Variants in CFAP20DC observed in about 807,000 individuals in gnomAD.
CFAP20DC encodes CFAP20 domain containing, also known as protein CFAP20DC.
CFAP20DC carries 84 observed loss-of-function variants against 101.7 expected under a neutral mutation model. The ratio of observed to expected loss-of-function variants is 0.83; its 90% CI spans 0.69 to 0.99. The LOEUF (loss-of-function observed/expected upper bound fraction) is 0.99. Ranked by LOEUF, CFAP20DC falls within the 50% of genes least tolerant of loss-of-function variation. CFAP20DC has a pLI of 0.00. For synonymous variants in CFAP20DC, 359 were observed against 351.2 expected, an observed-to-expected ratio of 1.02 and a Z score of -0.25; for missense variants, 1,007 against 970.3, an observed-to-expected ratio of 1.04 and a Z score of -0.50.
intron 15 of CFAP20DC, among the ~76,000 whole-genome samples, chr3:58,803,099 T>G (rs544844386): frequency 1.3e-5 from 2 of 152,346 alleles, no homozygotes; most frequent in South Asian, 4.1e-4. Flanking sequence ...TTTATGTAAT[T>G]TAAAAACCTT....
intron 13 of CFAP20DC, among the ~76,000 whole-genome samples, chr3:58,840,622 AC>A (rs2077035777): frequency 6.6e-6 from 1 of 152,138 alleles, no homozygotes; most frequent in South Asian, 2.1e-4. Context: ...CAGAGCCACC[AC>A]CCCTGTAGAA....
intron 6 of CFAP20DC, among the ~76,000 whole-genome samples, chr3:58,910,909 G>T (rs1401850403): frequency 6.6e-6 from 1 of 151,862 alleles, no homozygotes. Flanking sequence ...CAAGAGACAA[G>T]ACCAAGGGAA....
At position 58,849,221 on chromosome 3, in the gene CFAP20DC, G is replaced by A; in HGVS notation, c.1782C>T (p.Asn594=). The change falls in exon 13 of 17, where the codon AAC becomes AAT. Residue 594 remains asparagine (N), a synonymous_variant. Coordinates refer to ENST00000482387, the MANE Select transcript of CFAP20DC (RefSeq NM_001394063.1). ...TTGTAGGCAACAAACTCATTTCAAA[G>A]TTATTTCTATCTATTTGCTCCATCG... ...DSSMEQIDRN[N]FEMSLLPTTC... 6.5e-7 allele frequency: 1 copy of A among 1,536,066 alleles called. No homozygotes were observed. The highest frequency in any genetic ancestry group is 8.7e-7 in the Non-Finnish European group (1 of 1,146,894).
In CFAP20DC at chr3:58,830,585, A is replaced by G. The variant is rs1300847532; in HGVS notation, c.2175+1101T>C. 3.9e-5 allele frequency among the ~76,000 whole-genome samples: 6 copies of G among 152,354 alleles called. No homozygotes were observed. In the East Asian group the frequency reaches 1.2e-3, roughly 29 times the overall value. On this transcript the variant is annotated intron_variant, in intron 14 of 16. Transcript: ENST00000482387. ...ATATGAAAAGCAAGTCACAAAATTC[A>G]TATGTATTTAATTAAATACTTAAAA...
At chr3:58,910,097 T>G (rs1204539794) in intron 6 of CFAP20DC, among the ~76,000 whole-genome samples, 1 of 152,222 alleles carries the variant, frequency 6.6e-6, no homozygotes, top group Non-Finnish European at 1.5e-5. Flanking sequence ...TATTATTCCC[T>G]GGTGTATCTG....
At chr3:59,046,351 T>A (rs1417252601) in intron 2 of CFAP20DC, 29 bp from the exon 3 acceptor site, 1 of 1,334,448 alleles carries the variant, frequency 7.5e-7, no homozygotes, top group Non-Finnish European at 1.0e-6. Context: ...ACAGTAGTTA[T>A]CACAGGATAT....
At chr3:58,774,356 C>G (rs1049466724) in intron 15 of CFAP20DC, among the ~76,000 whole-genome samples, 1 of 152,170 alleles carries the variant, frequency 6.6e-6, no homozygotes, top group Non-Finnish European at 1.5e-5. Flanking sequence ...AAAGTCAGGT[C>G]AGGATAAAGT....
chr3:58,977,441 G>A (rs1230813828), intron 4 of CFAP20DC, among the ~76,000 whole-genome samples: 1 of 152,134 alleles, frequency 6.6e-6, no homozygotes, highest in Non-Finnish European at 1.5e-5. Flanking sequence ...TTTTTCATGA[G>A]CAACCTAATC....
At position 59,014,806 on chromosome 3, in the gene CFAP20DC, A is replaced by AT. The variant is rs930048288; in HGVS notation, c.278+24750dup. Among the ~76,000 whole-genome samples the AT allele has an allele frequency of 1.7e-4, 26 of 152,018 alleles. No individual in the cohort carries two copies. The highest frequency in any genetic ancestry group is 4.4e-5 in the Non-Finnish European group (3 of 67,994). ...GTAGTACTACATATGGACCATGGCT[A>AT]TATGTAGTACTACTCCTTAGCAGTA... On this transcript the variant is annotated intron_variant, in intron 4 of 16. Transcript: ENST00000482387. This position sits in a 1 kb window ranked among gnomAD's most constrained non-coding sequence, Gnocchi z 4.9.
At chr3:58,743,203 T>C (rs536427678) in intron 16 of CFAP20DC, among the ~76,000 whole-genome samples, 4 of 152,056 alleles carry the variant, frequency 2.6e-5, no homozygotes, top group Admixed American at 6.6e-5. Flanking sequence ...TTTAGATGGA[T>C]TGGACAGAGA....
chr3:58,885,625 T>C (rs2081565361), intron 6 of CFAP20DC, among the ~76,000 whole-genome samples: 2 of 150,610 alleles, frequency 1.3e-5, no homozygotes, highest in Admixed American at 6.7e-5. Context: ...CCCCCTACCA[T>C]TTCCAGCATC....
chr3:58,897,832 T>TG lies in CFAP20DC; in HGVS notation c.551-13124dup, dbSNP rs1278093088. 6.6e-6 allele frequency among the ~76,000 whole-genome samples: 1 copy of TG among 152,210 alleles called. No individual in the cohort carries two copies. Among genetic ancestry groups the TG allele is most frequent in the Non-Finnish European group, 1.5e-5 (1 of 68,040 alleles). ...AACATTTTCTCTTTCATTTTGACCT[T>TG]GGAGAATCTGACGATTATGTGCCTT... On this transcript the variant is annotated intron_variant, in intron 6 of 16. Transcript: ENST00000482387. This position sits in a 1 kb window ranked among gnomAD's most constrained non-coding sequence, Gnocchi z 4.4.
At chr3:58,817,586 G>C (rs2075292870) in intron 14 of CFAP20DC, among the ~76,000 whole-genome samples, 1 of 143,526 alleles carries the variant, frequency 7.0e-6, no homozygotes, top group African/African-American at 2.6e-5. Context: ...GGGAAGTTTA[G>C]AGAAAAAAGA....
chr3:58,727,962 T>C (rs1039672614), intron 3 of CFAP20DC: 2 of 152,242 alleles, frequency 1.3e-5, no homozygotes, highest in Non-Finnish European at 2.9e-5. Flanking sequence ...CACCTGGAAG[T>C]GCATCACTTC....
At chr3:58,960,807 G>C (rs939043269) in intron 4 of CFAP20DC, among the ~76,000 whole-genome samples, 1 of 152,010 alleles carries the variant, frequency 6.6e-6, no homozygotes, top group Non-Finnish European at 1.5e-5. Flanking sequence ...GAATACAATG[G>C]TAAATATAAA....
At position 58,753,882 on chromosome 3, in the gene CFAP20DC, G is replaced by A. The variant is rs2068741134; in HGVS notation, c.2238-19C>T. The A allele has an allele frequency of 6.7e-7, 1 of 1,501,560 alleles. No homozygotes were observed. 93.0% of individuals were successfully genotyped at this position (1,501,560 alleles called of 1,614,324 possible). On this transcript the variant is annotated intron_variant, in intron 15 of 16. Coordinates refer to ENST00000482387, the MANE Select transcript of CFAP20DC (RefSeq NM_001394063.1). ...CCAGTCCCTAAAAAGAAAACAAAGT[G>A]AATGAGCATGTCTGGAATTCCATAT...
rs907615511 is a variant in CFAP20DC at position 58,937,748 on chromosome 3, C to T, written c.293G>A (p.Gly98Glu). 1.9e-6 allele frequency: 3 copies of T among 1,587,008 alleles called. No homozygotes were observed. The highest frequency in any genetic ancestry group is 3.3e-4 in the Middle Eastern group (2 of 6,002). Residue 98 changes from glycine to glutamate, a missense_variant, in exon 5 of 17, where the codon GGG (glycine) becomes GAG (glutamate). Transcript: ENST00000482387. The stretch of plus-strand genomic sequence containing the variant: ...TAAATATAATCTTCTTTTGATGTTC[C>T]CTAAATCAGTAATTCTGAAAACATG... ...FSTELLITDL[G>E]NIKRRLYLST... is the part of the protein sequence containing the mutation.
chr3:58,863,423 G>A lies in CFAP20DC; in HGVS notation c.1593+135C>T. The A allele has an allele frequency of 6.8e-7, 1 of 1,461,828 alleles. No individual in the cohort carries two copies. Among genetic ancestry groups the A allele is most frequent in the Non-Finnish European group, 9.0e-7 (1 of 1,111,868 alleles). The allele number at this position is 1,461,828 out of a possible 1,614,324, so 90.6% of individuals were successfully genotyped here. On this transcript the variant is annotated intron_variant, in intron 12 of 16. Coordinates refer to ENST00000482387, the MANE Select transcript of CFAP20DC (RefSeq NM_001394063.1). This position sits in a 1 kb window ranked among gnomAD's most constrained non-coding sequence, Gnocchi z 5.9. ...ACCATAACAACCTGATGCAACTGTGGACTGACATGGCAATCTGTTGCATTT... is the reference window on the plus strand; with the variant it reads ...ACCATAACAACCTGATGCAACTGTGAACTGACATGGCAATCTGTTGCATTT...
intron 4 of CFAP20DC, among the ~76,000 whole-genome samples, chr3:58,938,178 T>G (rs749559866): frequency 6.6e-6 from 1 of 152,210 alleles, no homozygotes; most frequent in Non-Finnish European, 1.5e-5. Flanking sequence ...AAAATGCATC[T>G]GTCATTTTGT....
Sources: gnomAD v4.1 joint callset for allele counts (sites outside exome capture counted in the v4.1 genomes callset) on GRCh38, gnomAD v4.1.1 for gene constraint, Gnocchi (gnomAD v3.1) non-coding constraint, MANE v1.5 for transcripts, NCBI Gene and HGNC (gene_info 2026-07-23, HGNC 2026-07-21) for gene names.